KLHL40: variants seen among roughly 807,000 people sequenced by gnomAD.
KLHL40 encodes the protein kelch-like protein 40.
In KLHL40, 44 loss-of-function variants were observed where a neutral mutation model predicts 49.7. That is an observed-to-expected ratio of 0.89 (90% CI 0.70 to 1.14). The LOEUF (loss-of-function observed/expected upper bound fraction) is 1.14. Ranked by LOEUF, KLHL40 falls within the 50% of genes most tolerant of loss-of-function variation. KLHL40 has a pLI of 0.00. For synonymous variants in KLHL40, 409 were observed against 365.2 expected (o/e 1.12, Z -1.37); for missense variants, 892 against 850.3 (o/e 1.05, Z -0.61).
rs1474144020 is a variant in KLHL40 at position 42,686,015 on chromosome 3, T to G, written c.397T>G (p.Cys133Gly). 6.2e-7 allele frequency: 1 copy of G among 1,610,542 alleles called. No individual in the cohort carries two copies. The highest frequency in any genetic ancestry group is 1.7e-5 in the Admixed American group (1 of 60,030). ...FLQKRLCLSN[C>G]LAVFRLGLLL... ...GCAGAAGCGCCTGTGCCTCTCCAAC[T>G]GCTTGGCCGTCTTCCGTCTCGGCCT... The change falls in exon 1 of 6, where the codon TGC becomes GGC. Residue 133 changes from cysteine (C) to glycine (G), a missense_variant. Physicochemically the swap from Cys to Gly is radical, Grantham distance 159. Coordinates refer to ENST00000287777, the MANE Select transcript of KLHL40 (RefSeq NM_152393.4).
chr3:42,686,486 G>A lies in KLHL40; in HGVS notation c.868G>A (p.Ala290Thr), dbSNP rs1393087590. ...AKEADKGTSK[A>T]KAEEDEEAER... ...GGAGGCTGATAAGGGCACAAGCAAA[G>A]CCAAAGCAGAGGAGGATGAGGAGGC... is the stretch of plus-strand genomic sequence containing the variant. The change falls in exon 1 of 6, where the codon GCC (alanine) becomes ACC (threonine). Residue 290 changes from alanine to threonine, a missense_variant. Ala to Thr is a moderately conservative substitution (Grantham distance 58). Transcript: ENST00000287777. 1.9e-6 allele frequency: 3 copies of A among 1,614,122 alleles called. No homozygotes were observed. Among genetic ancestry groups the A allele is most frequent in the South Asian group, 2.2e-5 (2 of 91,082 alleles).
Position 42,685,945 on chromosome 3 carries a change from C to A in KLHL40, c.327C>A (p.His109Gln). The stretch of plus-strand genomic sequence containing the variant: ...TGCAGGATTTGTTCGCCGCGGCACA[C>A]CGCTTCCAGATCCCTTCCATCTTCA... ...ASVQDLFAAA[H>Q]RFQIPSIFTI... is the part of the protein sequence containing the mutation. The change falls in exon 1 of 6, where the codon CAC (histidine) becomes CAA (glutamine). Residue 109 changes from histidine (H) to glutamine (Q), a missense_variant. His to Gln is a conservative substitution (Grantham distance 24, BLOSUM62 0). Transcript: ENST00000287777. The A allele has an allele frequency of 6.2e-7, 1 of 1,611,770 alleles. No individual in the cohort carries two copies. Among genetic ancestry groups the A allele is most frequent in the Non-Finnish European group, 8.5e-7 (1 of 1,179,978 alleles).
At chr3:42,687,162 A>G (rs905643328) in intron 1 of KLHL40, among the ~76,000 whole-genome samples, 11 of 152,188 alleles carry the variant, frequency 7.2e-5, no homozygotes, top group Admixed American at 5.2e-4. Flanking sequence ...ACAATCCTGT[A>G]TGGTCCTCCC....
intron 5 of KLHL40, 42 bp from the exon 6 acceptor site, chr3:42,691,840 A>G: frequency 7.5e-7 from 1 of 1,325,288 alleles, no homozygotes; most frequent in Non-Finnish European, 1.1e-6. Flanking sequence ...GACTCAGCTG[A>G]CCAAGCTCTC....
intron 5 of KLHL40, 69 bp downstream of exon 5, chr3:42,691,074 G>C: frequency 6.7e-7 from 1 of 1,493,654 alleles, no homozygotes; most frequent in Non-Finnish European, 9.0e-7. Flanking sequence ...ACCATGGTGG[G>C]GTACCAAGGC....
Position 42,691,008 on chromosome 3 carries a change from G to A in KLHL40, c.1754+3G>A. On this transcript the variant is annotated splice_donor_region_variant and intron_variant, in intron 5 of 5. Transcript: ENST00000287777. ...ACAGAGCTCAATGACATCTGGAGGT[G>A]AGTCCCACCCTGGGGAGGCAAGGGG... The A allele has an allele frequency of 6.2e-7, 1 of 1,605,338 alleles. No individual in the cohort carries two copies. The highest frequency in any genetic ancestry group is 1.1e-5 in the South Asian group (1 of 89,694).
Position 42,692,210 on chromosome 3 carries a change from A to G in KLHL40, c.*217A>G, listed in dbSNP as rs1450962734. The G allele has an allele frequency of 1.1e-5, 6 of 554,032 alleles. No individual in the cohort carries two copies. Among genetic ancestry groups the G allele is most frequent in the Middle Eastern group, 4.7e-4 (1 of 2,124 alleles). 34.3% of individuals were successfully genotyped at this position (554,032 alleles called of 1,614,324 possible). A position where few individuals can be genotyped will look rare whatever the true frequency, so the allele number is the denominator to read the frequency against. On this transcript the variant is annotated 3_prime_UTR_variant, in exon 6 of 6. Coordinates refer to ENST00000287777, the MANE Select transcript of KLHL40 (RefSeq NM_152393.4). ...AACTAGAGGCTTCTCCAGTGTTGCC[A>G]TATCCCCCTAGGTTGTCTTGATCCA...
chr3:42,686,542 CA>C lies in KLHL40; in HGVS notation c.925del (p.Thr309ProfsTer14). The stretch of plus-strand genomic sequence containing the variant: ...GTATCCTTCCTGGGATCCTCAATGA[CA>C]CCCTGCGCTTCGGCATGTTCCTGCA... ...ERILPGILNDTLRFGMFLQDL... is the reference protein window; with the variant it reads ...ERILPGILNDXLRFGMFLQDL... On this transcript the variant is annotated frameshift_variant, in exon 1 of 6. Transcript: ENST00000287777. LOFTEE classifies it high-confidence loss of function. 3 of 1,614,156 alleles carry C rather than the reference CA, an allele frequency of 1.9e-6. No individual in the cohort carries two copies. Among genetic ancestry groups the C allele is most frequent in the Non-Finnish European group, 1.7e-6 (2 of 1,180,028 alleles).
chr3:42,692,053 C>A lies in KLHL40; in HGVS notation c.*60C>A. 9.8e-7 allele frequency: 1 copy of A among 1,019,690 alleles called. No homozygotes were observed. The highest frequency in any genetic ancestry group is 2.4e-5 in the East Asian group (1 of 41,714). 63.2% of individuals were successfully genotyped at this position (1,019,690 alleles called of 1,614,324 possible). A position where few individuals can be genotyped will look rare whatever the true frequency, so the allele number is the denominator to read the frequency against. On this transcript the variant is annotated 3_prime_UTR_variant, in exon 6 of 6. Coordinates refer to ENST00000287777, the MANE Select transcript of KLHL40 (RefSeq NM_152393.4). ...ATCCTGCGACCCTCACTGGCCTGGC[C>A]TTGTGGGGGCTCCAGAAAAGAGGCT...
At chr3:42,690,717 G>A in intron 4 of KLHL40, 142 bp from the exon 5 acceptor site, 1 of 763,488 alleles carries the variant, frequency 1.3e-6, no homozygotes, top group Non-Finnish European at 2.1e-6. Context: ...GAGGGACAGG[G>A]AAGGGGAATG....
At position 42,688,336 on chromosome 3, in the gene KLHL40, G is replaced by C. The variant is rs773257626; in HGVS notation, c.1313+34G>C. 2 of 1,609,714 alleles carry C rather than the reference G, an allele frequency of 1.2e-6. No homozygotes were observed. Among genetic ancestry groups the C allele is most frequent in the Non-Finnish European group, 1.7e-6 (2 of 1,176,732 alleles). On this transcript the variant is annotated intron_variant, in intron 2 of 5. Transcript: ENST00000287777. This position sits in a 1 kb window ranked among gnomAD's most constrained non-coding sequence, Gnocchi z 4.2. ...GGCTGGGGTGGGGCTGAGCTCCGTG[G>C]GGGTGAGTGGGGCATGGAGGCCGCA...
At position 42,692,118 on chromosome 3, in the gene KLHL40, T is replaced by A; in HGVS notation, c.*125T>A. On this transcript the variant is annotated 3_prime_UTR_variant, in exon 6 of 6. Coordinates refer to ENST00000287777, the MANE Select transcript of KLHL40 (RefSeq NM_152393.4). Reference sequence around the variant, plus strand: ...TCTACCTGGATCCAGTTATGGTGCCTCAGGGGCTGCGTCAGCCAAGGAAAG... The same window carrying A: ...TCTACCTGGATCCAGTTATGGTGCCACAGGGGCTGCGTCAGCCAAGGAAAG... 1 of 660,990 alleles carries A rather than the reference T, an allele frequency of 1.5e-6. No homozygotes were observed. The highest frequency in any genetic ancestry group is 2.8e-6 in the Non-Finnish European group (1 of 362,232). 40.9% of individuals were successfully genotyped at this position (660,990 alleles called of 1,614,324 possible).
chr3:42,691,852 A>C, intron 5 of KLHL40, 30 bp from the exon 6 acceptor site: 1 of 1,449,262 alleles, frequency 6.9e-7, no homozygotes, highest in Non-Finnish European at 9.7e-7. Context: ...CAAGCTCTCC[A>C]TCCTTGTCCC....
In KLHL40 at chr3:42,686,223, C is replaced by T. The variant is rs746474867; in HGVS notation, c.605C>T (p.Ala202Val). The T allele has an allele frequency of 1.3e-6, 2 of 1,555,528 alleles. No individual in the cohort carries two copies. The highest frequency in any genetic ancestry group is 1.7e-6 in the Non-Finnish European group (2 of 1,152,968). The change falls in exon 1 of 6, where the codon GCG (alanine) becomes GTG (valine). Residue 202 changes from alanine to valine, a missense_variant. Transcript: ENST00000287777. ...GTGTTCGAGGCGGTGATGCGGTGGG[C>T]GGGTAGCGGCGACGCCGAGGCGCAG... ...EAVFEAVMRW[A>V]GSGDAEAQAE...
rs756360520 is a variant in KLHL40, at chr3:42,686,181, T to C, written c.563T>C (p.Val188Ala). ...IAIISSDGLN[V>A]EKEEAVFEAV... Reference sequence around the variant, plus strand: ...ATCATCTCCAGCGACGGCCTTAACGTGGAGAAGGAGGAGGCAGTGTTCGAG... The same window carrying C: ...ATCATCTCCAGCGACGGCCTTAACGCGGAGAAGGAGGAGGCAGTGTTCGAG... The change falls in exon 1 of 6, where the codon GTG becomes GCG. Residue 188 changes from valine to alanine, a missense_variant. Coordinates refer to ENST00000287777, the MANE Select transcript of KLHL40 (RefSeq NM_152393.4). The C allele has an allele frequency of 6.3e-7, 1 of 1,584,794 alleles. No individual in the cohort carries two copies. Among genetic ancestry groups the C allele is most frequent in the South Asian group, 1.1e-5 (1 of 89,452 alleles).
Position 42,688,120 on chromosome 3 carries a change from T to C in KLHL40, c.1153-22T>C. 1 of 1,613,500 alleles carries C rather than the reference T, an allele frequency of 6.2e-7. No homozygotes were observed. The highest frequency in any genetic ancestry group is 1.7e-4 in the Middle Eastern group (1 of 6,038). Reference sequence around the variant, plus strand: ...GGCTGGGGGAGTGGGGGGCGGTAGCTGACTGGACACCTGGCCTGCAGTTTG... The same window carrying C: ...GGCTGGGGGAGTGGGGGGCGGTAGCCGACTGGACACCTGGCCTGCAGTTTG... On this transcript the variant is annotated intron_variant, in intron 1 of 5. Coordinates refer to ENST00000287777, the MANE Select transcript of KLHL40 (RefSeq NM_152393.4). The surrounding 1 kb of genome is among the most constrained non-coding windows in gnomAD (Gnocchi z 4.2).
Position 42,688,661 on chromosome 3 carries a change from C to T in KLHL40, c.1365C>T (p.His455=). 1 of 1,614,046 alleles carries T rather than the reference C, an allele frequency of 6.2e-7. No homozygotes were observed. The highest frequency in any genetic ancestry group is 8.5e-7 in the Non-Finnish European group (1 of 1,180,012). Residue 455 remains histidine, a synonymous_variant, in exon 3 of 6, where the codon CAC becomes CAT. Transcript: ENST00000287777. This position sits in a 1 kb window ranked among gnomAD's most constrained non-coding sequence, Gnocchi z 4.2. The part of the protein sequence containing the change: ...SDPLPYVVYG[H]TVLSHMDLVY... ...CGCTGCCTTACGTGGTGTATGGCCA[C>T]ACAGTGCTCTCCCACATGGACCTTG...
intron 4 of KLHL40, 40 bp downstream of exon 4, chr3:42,689,094 G>A: frequency 1.3e-6 from 2 of 1,553,000 alleles, no homozygotes; most frequent in Non-Finnish European, 1.8e-6. Context: ...CAACTGCATG[G>A]CTTTGGGCTT....
chr3:42,689,331 T>C (rs1697325642), intron 4 of KLHL40, among the ~76,000 whole-genome samples: 1 of 151,990 alleles, frequency 6.6e-6, no homozygotes, highest in Non-Finnish European at 1.5e-5. Flanking sequence ...GCAAGGGATA[T>C]AGCAGTGAAC....
Sources: gnomAD v4.1 joint callset for allele counts (sites outside exome capture counted in the v4.1 genomes callset) on GRCh38, gnomAD v4.1.1 for gene constraint, Gnocchi (gnomAD v3.1) non-coding constraint, MANE v1.5 for transcripts, NCBI Gene and HGNC (gene_info 2026-07-23, HGNC 2026-07-21) for gene names.